KIF16B: variants seen among roughly 807,000 people sequenced by gnomAD.
KIF16B encodes the protein kinesin family member 16B.
Under a neutral mutation model 156.3 loss-of-function variants are expected in KIF16B, and 98 were observed. The ratio of observed to expected loss-of-function variants is 0.63; its 90% CI spans 0.53 to 0.74. The LOEUF is 0.74. Among genes scored for constraint, KIF16B ranks in the 30% least tolerant of loss-of-function variants. The pLI is 0.00. For synonymous variants in KIF16B, 564 were observed against 583.7 expected (o/e 0.97, Z 0.49); for missense variants, 1,421 against 1,606.5 (o/e 0.88, Z 1.97).
At chr20:16,539,635 C>A (rs576136360) in intron 1 of KIF16B, among the ~76,000 whole-genome samples, 5 of 152,186 alleles carry the variant, frequency 3.3e-5, no homozygotes, top group African/African-American at 7.2e-5. Context: ...CTTCCTGAGG[C>A]CTCCCCAGAA....
At chr20:16,323,386 A>G (rs1186383775) in intron 24 of KIF16B, among the ~76,000 whole-genome samples, 1 of 151,982 alleles carries the variant, frequency 6.6e-6, no homozygotes, top group Non-Finnish European at 1.5e-5. Context: ...AGAAATGCAA[A>G]TAATAAAAGC....
intron 17 of KIF16B, among the ~76,000 whole-genome samples, chr20:16,387,633 G>A (rs1292847373): frequency 6.6e-6 from 1 of 152,210 alleles, no homozygotes; most frequent in Non-Finnish European, 1.5e-5. Flanking sequence ...GACTTAGAAT[G>A]ATGAAAGGCT....
intron 12 of KIF16B, among the ~76,000 whole-genome samples, chr20:16,445,139 G>T (rs1478748882): frequency 2.6e-5 from 4 of 152,102 alleles, no homozygotes; most frequent in Admixed American, 2.0e-4. Context: ...GTTCCAGGCT[G>T]CAGTGAGCTA....
At position 16,515,593 on chromosome 20, in the gene KIF16B, A is replaced by G; in HGVS notation, c.303T>C (p.Tyr101=). The change falls in exon 4 of 26, where the codon TAT becomes TAC. Residue 101 remains tyrosine, a synonymous_variant. Coordinates refer to ENST00000354981, the MANE Select transcript of KIF16B (RefSeq NM_024704.5). Reference sequence around the variant, plus strand: ...ATGACTTTCCAGATCCAGTTTGCCCATATGCAAAGACACAAGCATTATAAC... The same window carrying G: ...ATGACTTTCCAGATCCAGTTTGCCCGTATGCAAAGACACAAGCATTATAAC... ...FEGYNACVFA[Y]GQTGSGKSYT... The G allele has an allele frequency of 6.2e-7, 1 of 1,613,008 alleles. No homozygotes were observed. The highest frequency in any genetic ancestry group is 8.5e-7 in the Non-Finnish European group (1 of 1,179,148).
chr20:16,529,490 C>T (rs965327199), intron 1 of KIF16B, among the ~76,000 whole-genome samples: 4 of 152,092 alleles, frequency 2.6e-5, no homozygotes, highest in African/African-American at 9.7e-5. Context: ...AATCTTAAAG[C>T]ATTTTTAGTA....
At chr20:16,513,767 T>G (rs1166733441) in intron 4 of KIF16B, among the ~76,000 whole-genome samples, 2 of 151,800 alleles carry the variant, frequency 1.3e-5, no homozygotes, top group East Asian at 3.9e-4. Flanking sequence ...ATATTATTTA[T>G]ACAATGTGGG....
chr20:16,300,088 C>T (rs1325034882), intron 25 of KIF16B, among the ~76,000 whole-genome samples: 1 of 152,176 alleles, frequency 6.6e-6, no homozygotes, highest in African/African-American at 2.4e-5. Context: ...TTAATGGTTA[C>T]ATGTGATTAC....
At position 16,273,194 on chromosome 20, in the gene KIF16B, A is replaced by T; in HGVS notation, c.*59T>A. ...TCCTCGCATGGGGGAGCTGCCCTGCATCGGAGCCCGCTTCGACGAGAAGGC... is the reference window on the plus strand; with the variant it reads ...TCCTCGCATGGGGGAGCTGCCCTGCTTCGGAGCCCGCTTCGACGAGAAGGC... On this transcript the variant is annotated 3_prime_UTR_variant, in exon 26 of 26. Transcript: ENST00000354981. 1 of 1,467,166 alleles carries T rather than the reference A, an allele frequency of 6.8e-7. No individual in the cohort carries two copies. The highest frequency in any genetic ancestry group is 9.5e-7 in the Non-Finnish European group (1 of 1,051,394). 90.9% of individuals were successfully genotyped at this position (1,467,166 alleles called of 1,614,324 possible).
At chr20:16,292,263 G>A (rs2063324497) in intron 25 of KIF16B, among the ~76,000 whole-genome samples, 1 of 152,090 alleles carries the variant, frequency 6.6e-6, no homozygotes, top group Non-Finnish European at 1.5e-5. Context: ...CTTTACATGG[G>A]CAAACGATAA....
chr20:16,395,451 T>C (rs2065477658), intron 17 of KIF16B, among the ~76,000 whole-genome samples: 1 of 151,982 alleles, frequency 6.6e-6, no homozygotes. Context: ...ACTATTTCCT[T>C]TCATATAAAT....
At chr20:16,312,295 T>A in intron 25 of KIF16B, 40 bp downstream of exon 25, 1 of 1,440,750 alleles carries the variant, frequency 6.9e-7, no homozygotes, top group Non-Finnish European at 9.7e-7. Context: ...GATGGTACAT[T>A]TTCTACATAC....
At chr20:16,288,210 A>T (rs1168308387) in intron 25 of KIF16B, among the ~76,000 whole-genome samples, 3 of 152,200 alleles carry the variant, frequency 2.0e-5, no homozygotes, top group Admixed American at 2.0e-4. Flanking sequence ...CATGCTGGGC[A>T]CAAAGACATC....
chr20:16,489,098 C>A (rs1410502877), intron 12 of KIF16B, among the ~76,000 whole-genome samples: 1 of 152,182 alleles, frequency 6.6e-6, no homozygotes, highest in Non-Finnish European at 1.5e-5. Flanking sequence ...ACAGCAGAGA[C>A]CAGCATCACC....
chr20:16,306,027 C>T (rs2063536345), intron 25 of KIF16B, among the ~76,000 whole-genome samples: 1 of 152,126 alleles, frequency 6.6e-6, no homozygotes, highest in African/African-American at 2.4e-5. Flanking sequence ...AGAGAATTGC[C>T]CCCAGCATCC....
intron 23 of KIF16B, among the ~76,000 whole-genome samples, chr20:16,336,694 C>T (rs2064044336): frequency 6.6e-6 from 1 of 152,174 alleles, no homozygotes; most frequent in Non-Finnish European, 1.5e-5. Context: ...CCCTCCAGTC[C>T]CAGCTCTGGT....
intron 25 of KIF16B, among the ~76,000 whole-genome samples, chr20:16,278,867 G>A (rs1406302222): frequency 5.9e-5 from 9 of 152,182 alleles, no homozygotes; most frequent in Admixed American, 5.9e-4. Context: ...CACCGGGCAA[G>A]TCTGTCTACA....
chr20:16,505,175 G>T (rs1159031591), intron 9 of KIF16B, among the ~76,000 whole-genome samples: 1 of 152,122 alleles, frequency 6.6e-6, no homozygotes, highest in East Asian at 1.9e-4. Context: ...AGAGGGAGGG[G>T]AAAGTAGAGT....
chr20:16,476,961 A>C (rs1035140460), intron 12 of KIF16B, among the ~76,000 whole-genome samples: 22 of 152,002 alleles, frequency 1.4e-4, no homozygotes, highest in Admixed American at 9.8e-4. Context: ...GTTGGCTAGG[A>C]TGGTCTCGAT....
Position 16,505,800 on chromosome 20 carries a change from C to T in KIF16B, c.922G>A (p.Val308Met), listed in dbSNP as rs373271206. 54 of 1,613,850 alleles carry T rather than the reference C, an allele frequency of 3.3e-5. No homozygotes were observed. Among genetic ancestry groups the T allele is most frequent in the South Asian group, 1.2e-4 (11 of 91,062 alleles). Residue 308 changes from valine (V) to methionine (M), a missense_variant, in exon 9 of 26, where the codon GTG becomes ATG. Val to Met is a conservative substitution (Grantham distance 21). Coordinates refer to ENST00000354981, the MANE Select transcript of KIF16B (RefSeq NM_024704.5). ...GTCAACACAGAATCCCTGTAAGGCA[C>T]GAAAACTTGCTTCTTCTTTGCAAGA... Reference protein sequence around the residue: ...NTLAKKKQVFVPYRDSVLTWL... With the variant: ...NTLAKKKQVFMPYRDSVLTWL...
Sources: gnomAD v4.1 joint callset for allele counts (sites outside exome capture counted in the v4.1 genomes callset) on GRCh38, gnomAD v4.1.1 for gene constraint, MANE v1.5 for transcripts, NCBI Gene and HGNC (gene_info 2026-07-23, HGNC 2026-07-21) for gene names.